The following COP1 variants were observed in gnomAD, a reference collection of about 807,000 sequenced individuals.
COP1 encodes the protein E3 ubiquitin-protein ligase COP1.
In COP1, 24 loss-of-function variants were observed where a neutral mutation model predicts 101.3. The observed-to-expected ratio is 0.24, with a 90% CI of 0.17 to 0.33. COP1 has a LOEUF of 0.33. Ranked by LOEUF, COP1 falls within the 10% of genes least tolerant of loss-of-function variation. The pLI, the probability that COP1 is intolerant of heterozygous loss-of-function variation, is 1.00. For missense variants in COP1, 663 were observed against 906.2 expected, an observed-to-expected ratio of 0.73 and a Z score of 3.45; for synonymous variants, 347 against 341.9, an observed-to-expected ratio of 1.01 and a Z score of -0.17.
chr1:176,056,351 TAATC>T (rs1377934676), intron 11 of COP1, among the ~76,000 whole-genome samples: 2 of 152,202 alleles, frequency 1.3e-5, no homozygotes, highest in African/African-American at 4.8e-5. Context: ...TTTGTGCACT[TAATC>T]TGTCATGGAC....
chr1:175,966,396 T>C (rs1477988887), intron 18 of COP1, among the ~76,000 whole-genome samples: 1 of 152,208 alleles, frequency 6.6e-6, no homozygotes, highest in African/African-American at 2.4e-5. Context: ...TTATATGGAT[T>C]ACTTCACTTA....
intron 9 of COP1, among the ~76,000 whole-genome samples, chr1:176,096,854 G>C (rs1682484640): frequency 6.6e-6 from 1 of 152,154 alleles, no homozygotes; most frequent in Non-Finnish European, 1.5e-5. Context: ...CCTCCATCTT[G>C]TTTTACGTCC....
intron 3 of COP1, among the ~76,000 whole-genome samples, chr1:176,173,324 G>GAAAAAAAAA (rs11396126): frequency 1.1e-5 from 1 of 93,700 alleles, no homozygotes; most frequent in African/African-American, 4.5e-5. Context: ...AAAACAAAAT[G>GAAAAAAAAA]AAAAAAAAAA....
At chr1:176,062,993 T>C (rs917078109) in intron 11 of COP1, among the ~76,000 whole-genome samples, 15 of 151,860 alleles carry the variant, frequency 9.9e-5, no homozygotes, top group Non-Finnish European at 1.2e-4. Context: ...TGGCAGGAGT[T>C]TGAAGGAGGG....
chr1:176,142,012 T>C (rs1000898191), intron 6 of COP1, among the ~76,000 whole-genome samples: 25 of 152,108 alleles, frequency 1.6e-4, no homozygotes, highest in African/African-American at 5.6e-4. Context: ...ATTACAGGCA[T>C]GAGCCACTGT....
At chr1:176,147,562 T>A (rs1691753303) in intron 6 of COP1, among the ~76,000 whole-genome samples, 1 of 152,038 alleles carries the variant, frequency 6.6e-6, no homozygotes, top group African/African-American at 2.4e-5. Flanking sequence ...TTAACCCACC[T>A]ACTACAAGAA....
intron 11 of COP1, among the ~76,000 whole-genome samples, chr1:176,070,483 G>A (rs947318683): frequency 2.0e-4 from 30 of 151,876 alleles, no homozygotes; most frequent in East Asian, 1.9e-4. Flanking sequence ...CCAACATGGC[G>A]AAACCCCGTC....
intron 5 of COP1, 66 bp downstream of exon 5, chr1:176,162,803 C>G: frequency 7.1e-7 from 1 of 1,402,312 alleles, no homozygotes; most frequent in South Asian, 1.4e-5. Flanking sequence ...TTTAAACTTT[C>G]TACGTCTTTT....
At chr1:176,050,334 G>A (rs1672324590) in intron 11 of COP1, among the ~76,000 whole-genome samples, 1 of 152,218 alleles carries the variant, frequency 6.6e-6, no homozygotes, top group South Asian at 2.1e-4. Context: ...CCAGTACAAT[G>A]CGGCACAAAG....
chr1:176,137,663 C>T (rs373249566), intron 6 of COP1, among the ~76,000 whole-genome samples: 2 of 152,038 alleles, frequency 1.3e-5, no homozygotes, highest in African/African-American at 2.4e-5. Context: ...GCTTATTGTT[C>T]CAGAATTCAT....
chr1:176,197,407 C>A (rs1699815201), intron 1 of COP1, among the ~76,000 whole-genome samples: 1 of 152,096 alleles, frequency 6.6e-6, no homozygotes, highest in African/African-American at 2.4e-5. Flanking sequence ...GACAGCAAGA[C>A]CACCTCTTTT....
intron 11 of COP1, among the ~76,000 whole-genome samples, chr1:176,059,394 T>C (rs1212839249): frequency 1.3e-5 from 2 of 152,240 alleles, no homozygotes; most frequent in Admixed American, 1.3e-4. Flanking sequence ...ATTAAAATCA[T>C]CTTATTTTCC....
At chr1:176,037,212 C>A (rs1466245798) in intron 14 of COP1, among the ~76,000 whole-genome samples, 1 of 151,960 alleles carries the variant, frequency 6.6e-6, no homozygotes, top group Non-Finnish European at 1.5e-5. Flanking sequence ...ACCGTCCTGG[C>A]TAACACAGTG....
chr1:176,005,696 A>C (rs985335158), intron 15 of COP1, among the ~76,000 whole-genome samples: 1 of 152,080 alleles, frequency 6.6e-6, no homozygotes, highest in Non-Finnish European at 1.5e-5. Flanking sequence ...TTCTAGTTTG[A>C]TTGCACTGTG....
intron 14 of COP1, among the ~76,000 whole-genome samples, chr1:176,028,704 TATATATA>T (rs1000913191): frequency 2.5e-5 from 3 of 121,000 alleles, no homozygotes; most frequent in Middle Eastern, 8.5e-3. Flanking sequence ...TTCATATATA[TATATATA>T]TATATATATA....
chr1:176,046,458 G>T, intron 11 of COP1, 134 bp from the exon 12 acceptor site: 1 of 759,318 alleles, frequency 1.3e-6, no homozygotes. Context: ...TCCAGATTAA[G>T]TAATCAACAC....
At chr1:175,986,278 CA>C (rs1159438742) in intron 18 of COP1, among the ~76,000 whole-genome samples, 2 of 152,102 alleles carry the variant, frequency 1.3e-5, no homozygotes, top group African/African-American at 4.8e-5. Flanking sequence ...CTCGGCCTCC[CA>C]AAGTGCTGGG....
chr1:176,145,678 G>C (rs2149803198), intron 6 of COP1, among the ~76,000 whole-genome samples: 1 of 152,206 alleles, frequency 6.6e-6, no homozygotes, highest in Non-Finnish European at 1.5e-5. Context: ...ACCAACTACA[G>C]TCATATACAA....
chr1:175,962,992 G>A (rs1651564983), intron 18 of COP1, among the ~76,000 whole-genome samples: 2 of 151,700 alleles, frequency 1.3e-5, no homozygotes, highest in African/African-American at 4.8e-5. Flanking sequence ...AATATGTGAG[G>A]GCAAACTTAA....
Sources: gnomAD v4.1 joint callset for allele counts (sites outside exome capture counted in the v4.1 genomes callset) on GRCh38, gnomAD v4.1.1 for gene constraint, MANE v1.5 for transcripts, NCBI Gene and HGNC (gene_info 2026-07-23, HGNC 2026-07-21) for gene names.